The following TSHZ3 variants were observed in gnomAD, a reference collection of about 807,000 sequenced individuals.
TSHZ3 encodes the protein teashirt zinc finger homeobox 3.
TSHZ3 carries 10 observed loss-of-function variants against 64.5 expected under a neutral mutation model. That is an observed-to-expected ratio of 0.16 (90% CI 0.10 to 0.26). TSHZ3 has a LOEUF of 0.26. Among genes scored for constraint, TSHZ3 ranks in the 10% least tolerant of loss-of-function variants. TSHZ3 has a pLI of 1.00. For synonymous variants in TSHZ3, 608 were observed against 593.1 expected (o/e 1.03, Z -0.36); for missense variants, 1,242 against 1,421.7 (o/e 0.87, Z 2.03).
Position 31,225,523 on chromosome 19 carries a change from G to C in TSHZ3, n.686+2482C>G, listed in dbSNP as rs555180006. 2.0e-5 allele frequency among the ~76,000 whole-genome samples: 3 copies of C among 152,236 alleles called. No homozygotes were observed. In the East Asian group the frequency reaches 5.8e-4, roughly 29 times the overall value. Reference sequence around the variant, plus strand: ...CAATCTTGGCATACAGCCTTGTCCTGCACTTTATGGAAAAATGAGAAGCCA... The same window carrying C: ...CAATCTTGGCATACAGCCTTGTCCTCCACTTTATGGAAAAATGAGAAGCCA... On this transcript the variant is annotated intron_variant and non_coding_transcript_variant, in intron 4 of 6. Coordinates refer to the TSHZ3 transcript ENST00000651361.
chr19:31,348,711 G>T (rs938930182), intron 1 of TSHZ3, among the ~76,000 whole-genome samples: 1 of 152,226 alleles, frequency 6.6e-6, no homozygotes, highest in South Asian at 2.1e-4. Context: ...GGAATCAATC[G>T]TGTTAGTACT....
chr19:31,317,879 C>T (rs1328207177), intron 1 of TSHZ3, among the ~76,000 whole-genome samples: 1 of 152,200 alleles, frequency 6.6e-6, no homozygotes, highest in Non-Finnish European at 1.5e-5. Context: ...CCTCCAGGCA[C>T]CTCCCACCCC....
At chr19:31,187,920 C>T (rs1433650930) in intron 5 of TSHZ3, among the ~76,000 whole-genome samples, 1 of 151,962 alleles carries the variant, frequency 6.6e-6, no homozygotes, top group South Asian at 2.1e-4. Context: ...CTCTAGATTT[C>T]CATAAAAATT....
chr19:31,255,263 T>G (rs748243205), intron 1 of TSHZ3, among the ~76,000 whole-genome samples: 1 of 152,060 alleles, frequency 6.6e-6, no homozygotes, highest in Non-Finnish European at 1.5e-5. Context: ...CTAGGGGCAG[T>G]GAGGACGGGC....
At chr19:31,234,794 A>G (rs1215568905) in intron 3 of TSHZ3, among the ~76,000 whole-genome samples, 1 of 152,204 alleles carries the variant, frequency 6.6e-6, no homozygotes, top group East Asian at 1.9e-4. Flanking sequence ...TTGTGTGTTC[A>G]TAAGAGATAT....
intron 4 of TSHZ3, among the ~76,000 whole-genome samples, chr19:31,209,475 C>T (rs10413816): frequency 1.3e-5 from 2 of 152,194 alleles, no homozygotes; most frequent in African/African-American, 4.8e-5. Flanking sequence ...AGGCCAGTCT[C>T]ATAACCCACC....
At chr19:31,242,374 G>C (rs1459905347) in exon 3 of TSHZ3, among the ~76,000 whole-genome samples, 3 of 152,216 alleles carry the variant, frequency 2.0e-5, no homozygotes, top group Non-Finnish European at 4.4e-5. Context: ...CAGAACCAGA[G>C]AAGCCAGAGG....
intron 1 of TSHZ3, among the ~76,000 whole-genome samples, chr19:31,255,540 G>A (rs953852779): frequency 2.0e-5 from 3 of 151,848 alleles, no homozygotes; most frequent in Non-Finnish European, 4.4e-5. Flanking sequence ...CAGGGGCGCC[G>A]GGCTAACACG....
chr19:31,206,273 A>T (rs1214289024), intron 4 of TSHZ3, among the ~76,000 whole-genome samples: 1 of 151,224 alleles, frequency 6.6e-6, no homozygotes, highest in Non-Finnish European at 1.5e-5. Context: ...GGATGGATGG[A>T]TACGTAGATG....
At chr19:31,230,466 G>T (rs889890180) in intron 3 of TSHZ3, among the ~76,000 whole-genome samples, 1 of 152,066 alleles carries the variant, frequency 6.6e-6, no homozygotes, top group Non-Finnish European at 1.5e-5. Context: ...TTTGTAACAA[G>T]ATTCTTAAAA....
intron 3 of TSHZ3, among the ~76,000 whole-genome samples, chr19:31,233,112 A>G (rs1313201261): frequency 6.6e-6 from 1 of 152,140 alleles, no homozygotes; most frequent in Non-Finnish European, 1.5e-5. Context: ...TCATTTGGTG[A>G]GTGTATGCTT....
chr19:31,278,383 G>C lies in TSHZ3; in HGVS notation c.1410C>G (p.Val470=), dbSNP rs750340361. 6.2e-7 allele frequency: 1 copy of C among 1,614,094 alleles called. No homozygotes were observed. The highest frequency in any genetic ancestry group is 2.2e-5 in the East Asian group (1 of 44,852). ...CTTTCTCCTTGTCGACTTCCTTCTT[G>C]ACCTCCACATTCAGTTTTGGGGAGA... ...ASISPKLNVE[V]KKEVDKEKAV... is the part of the protein sequence containing the mutation. Residue 470 remains valine (V), a synonymous_variant, in exon 2 of 2, where the codon GTC becomes GTG. Transcript: ENST00000240587. The surrounding 1 kb of genome is among the most constrained non-coding windows in gnomAD (Gnocchi z 4.7).
intron 1 of TSHZ3, among the ~76,000 whole-genome samples, chr19:31,269,619 A>G (rs563007392): frequency 6.6e-6 from 1 of 152,190 alleles, no homozygotes; most frequent in South Asian, 2.1e-4. Flanking sequence ...TCATAATTTC[A>G]TTTCACTTGG....
At chr19:31,293,003 AT>A (rs1410251419) in intron 1 of TSHZ3, among the ~76,000 whole-genome samples, 1 of 151,206 alleles carries the variant, frequency 6.6e-6, no homozygotes, top group Non-Finnish European at 1.5e-5. Context: ...AAATTCATCC[AT>A]TCAAAAATGT....
At chr19:31,248,665 C>T (rs941194168) in intron 1 of TSHZ3, among the ~76,000 whole-genome samples, 1 of 150,594 alleles carries the variant, frequency 6.6e-6, no homozygotes, top group Non-Finnish European at 1.5e-5. Flanking sequence ...GTGGCTTGTG[C>T]CTGTGGTCCC....
chr19:31,322,748 G>A (rs1366629049), intron 1 of TSHZ3, among the ~76,000 whole-genome samples: 1 of 152,184 alleles, frequency 6.6e-6, no homozygotes, highest in Non-Finnish European at 1.5e-5. Flanking sequence ...GGATGAATGA[G>A]TGAAGGAATA....
chr19:31,241,807 A>G (rs369639097), intron 3 of TSHZ3, among the ~76,000 whole-genome samples: 4 of 152,312 alleles, frequency 2.6e-5, no homozygotes, highest in East Asian at 1.9e-4. Flanking sequence ...CTCTGAAATC[A>G]CTGCTTTGTG....
intron 3 of TSHZ3, among the ~76,000 whole-genome samples, chr19:31,241,647 G>A (rs942092561): frequency 6.6e-6 from 1 of 152,166 alleles, no homozygotes; most frequent in Non-Finnish European, 1.5e-5. Flanking sequence ...GCCATTTGAA[G>A]TGACTCAAAC....
chr19:31,278,827 C>T lies in TSHZ3; in HGVS notation c.966G>A (p.Lys322=). ...VAAKIIPATR[K]KASLELELPS... The stretch of plus-strand genomic sequence containing the variant: ...GGAGCTCCAGCTCCAGGGAAGCTTT[C>T]TTCCGAGTGGCAGGGATGATTTTGG... Residue 322 remains lysine (K), a synonymous_variant, in exon 2 of 2, where the codon AAG becomes AAA. Transcript: ENST00000240587. This position sits in a 1 kb window ranked among gnomAD's most constrained non-coding sequence, Gnocchi z 4.7. 2 of 1,614,182 alleles carry T rather than the reference C, an allele frequency of 1.2e-6. No individual in the cohort carries two copies. The highest frequency in any genetic ancestry group is 2.2e-5 in the East Asian group (1 of 44,868).
Sources: allele counts gnomAD v4.1 joint callset (sites outside exome capture counted in the v4.1 genomes callset), GRCh38; gene constraint gnomAD v4.1.1; non-coding constraint Gnocchi (gnomAD v3.1); transcripts MANE v1.5; gene names NCBI Gene and HGNC (gene_info 2026-07-23, HGNC 2026-07-21).